XIRP2: variants seen among roughly 807,000 people sequenced by gnomAD.
XIRP2 encodes xin actin-binding repeat-containing protein 2.
XIRP2 carries 236 observed loss-of-function variants against 277.0 expected under a neutral mutation model. The ratio of observed to expected loss-of-function variants is 0.85; its 90% CI spans 0.77 to 0.95. The LOEUF is 0.95. Among genes scored for constraint, XIRP2 ranks in the 40% least tolerant of loss-of-function variants. XIRP2 has a pLI of 0.00. For synonymous variants in XIRP2, 1,490 were observed against 1,416.5 expected (o/e 1.05, Z -1.17); for missense variants, 4,640 against 4,157.5 (o/e 1.12, Z -3.19).
intron 2 of XIRP2, among the ~76,000 whole-genome samples, chr2:166,980,519 C>G (rs1558937154): frequency 2.0e-5 from 3 of 152,098 alleles, no homozygotes; most frequent in Non-Finnish European, 4.4e-5. Context: ...TGAGTTCAAG[C>G]AATTCTCCTG....
intron 2 of XIRP2, among the ~76,000 whole-genome samples, chr2:166,998,263 A>G (rs935830852): frequency 5.9e-5 from 9 of 152,188 alleles, no homozygotes; most frequent in Admixed American, 4.6e-4. Context: ...AATTTAAAAT[A>G]AAACAAAATT....
rs1695215182 is a variant in XIRP2 at position 167,245,312 on chromosome 2, G to A, written c.3920G>A (p.Gly1307Asp). ...KKTITEEVIQ[G>D]DVKSYRMLFE... ...ACAATTACTGAAGAAGTAATACAGG[G>A]TGATGTAAAAAGCTACAGAATGCTC... is the stretch of plus-strand genomic sequence containing the variant. Residue 1307 changes from glycine to aspartate, a missense_variant, in exon 9 of 11, where the codon GGT (glycine) becomes GAT (aspartate). Physicochemically the swap from Gly to Asp is moderately conservative, Grantham distance 94. Transcript: ENST00000409195. 4.3e-6 allele frequency: 7 copies of A among 1,613,552 alleles called. No individual in the cohort carries two copies. Among genetic ancestry groups the A allele is most frequent in the South Asian group, 1.1e-5 (1 of 91,052 alleles).
In XIRP2 at chr2:167,241,265, C is replaced by T. The variant is rs117339002; in HGVS notation, c.1043-512C>T. ...AAAAAACATTTAAGCCAACTGTGAC[C>T]GAAACTTTACTTGATTACATGACTA... On this transcript the variant is annotated intron_variant, in intron 7 of 10. Transcript: ENST00000409195. 1.6e-3 allele frequency among the ~76,000 whole-genome samples: 240 copies of T among 151,992 alleles called. 4 individuals are homozygous for T. The East Asian group carries it at 0.021, about 13-fold the overall frequency.
intron 2 of XIRP2, among the ~76,000 whole-genome samples, chr2:166,955,900 T>A (rs1686149723): frequency 6.6e-6 from 1 of 151,774 alleles, no homozygotes; most frequent in South Asian, 2.1e-4. Context: ...CTTATGTCAA[T>A]AAATTTGTCT....
chr2:167,070,160 A>T (rs754643066), intron 2 of XIRP2, among the ~76,000 whole-genome samples: 1 of 151,614 alleles, frequency 6.6e-6, no homozygotes, highest in African/African-American at 2.4e-5. Context: ...AGTAAAATCT[A>T]CTTAACTCTT....
intron 3 of XIRP2, among the ~76,000 whole-genome samples, chr2:167,168,613 T>G (rs1213936183): frequency 6.6e-6 from 1 of 152,198 alleles, no homozygotes; most frequent in Non-Finnish European, 1.5e-5. Context: ...TTTGTTTGTT[T>G]GTTTTTGTTT....
intron 1 of XIRP2, among the ~76,000 whole-genome samples, chr2:166,895,624 T>G (rs753989736): frequency 6.6e-6 from 1 of 152,202 alleles, no homozygotes. Context: ...GTAGTCCCTT[T>G]GGATATTCAT....
Position 167,247,752 on chromosome 2 carries a change from C to G in XIRP2, c.6360C>G (p.Thr2120=), listed in dbSNP as rs754338889. Residue 2120 remains threonine, a synonymous_variant, in exon 9 of 11, where the codon ACC becomes ACG. Coordinates refer to ENST00000409195, the MANE Select transcript of XIRP2 (RefSeq NM_152381.6). ...VFNSIQSAGK[T]VGKQQTYELR... is the part of the protein sequence containing the mutation. ...ATTCCATCCAATCTGCTGGTAAAAC[C>G]GTTGGAAAGCAACAGACATATGAAC... is the stretch of plus-strand genomic sequence containing the variant. The G allele has an allele frequency of 5.6e-6, 9 of 1,613,362 alleles. No homozygotes were observed. Among genetic ancestry groups the G allele is most frequent in the Non-Finnish European group, 7.6e-6 (9 of 1,179,654 alleles).
chr2:167,104,890 A>C (rs1690575493), intron 2 of XIRP2, among the ~76,000 whole-genome samples: 1 of 151,988 alleles, frequency 6.6e-6, no homozygotes, highest in African/African-American at 2.4e-5. Flanking sequence ...CATTCTGCGC[A>C]TATCTTTTAG....
At chr2:166,957,750 T>C (rs923282186) in intron 2 of XIRP2, among the ~76,000 whole-genome samples, 3 of 151,950 alleles carry the variant, frequency 2.0e-5, no homozygotes, top group Admixed American at 1.3e-4. Context: ...AAACAAACCA[T>C]GCAGATAGAC....
At chr2:166,899,335 T>C (rs1434460399) in intron 1 of XIRP2, among the ~76,000 whole-genome samples, 1 of 152,134 alleles carries the variant, frequency 6.6e-6, no homozygotes, top group Non-Finnish European at 1.5e-5. Flanking sequence ...GGTTAACTTC[T>C]CCACACATAT....
intron 2 of XIRP2, among the ~76,000 whole-genome samples, chr2:167,027,823 T>C (rs1469549791): frequency 7.2e-5 from 11 of 152,074 alleles, no homozygotes; most frequent in Admixed American, 5.3e-4. Context: ...TAATTACTAC[T>C]AAATAGGGAA....
chr2:167,070,964 C>T (rs1203753037), intron 2 of XIRP2, among the ~76,000 whole-genome samples: 5 of 152,160 alleles, frequency 3.3e-5, no homozygotes, highest in African/African-American at 1.2e-4. Flanking sequence ...TTAAAATTCA[C>T]AGCAATATCA....
intron 2 of XIRP2, among the ~76,000 whole-genome samples, chr2:167,077,647 G>A (rs935297391): frequency 4.6e-5 from 7 of 152,210 alleles, no homozygotes; most frequent in African/African-American, 1.7e-4. Flanking sequence ...AAAGAAGTAA[G>A]TATGGACACC....
At chr2:166,928,842 G>A (rs530298434) in intron 2 of XIRP2, among the ~76,000 whole-genome samples, 3 of 152,214 alleles carry the variant, frequency 2.0e-5, no homozygotes, top group African/African-American at 7.2e-5. Context: ...CTATCAGGGT[G>A]ATAGGCACAG....
intron 2 of XIRP2, among the ~76,000 whole-genome samples, chr2:166,906,099 G>T (rs1234461608): frequency 6.6e-6 from 1 of 151,840 alleles, no homozygotes; most frequent in Non-Finnish European, 1.5e-5. Flanking sequence ...TTGGGGATGT[G>T]GAAAAAGGTA....
intron 3 of XIRP2, among the ~76,000 whole-genome samples, chr2:167,148,587 C>A (rs927182534): frequency 6.6e-6 from 1 of 151,796 alleles, no homozygotes; most frequent in African/African-American, 2.4e-5. Context: ...TGAAATAATT[C>A]TAAGTATTTT....
At chr2:167,066,961 T>G (rs1558967214) in intron 2 of XIRP2, among the ~76,000 whole-genome samples, 1 of 152,146 alleles carries the variant, frequency 6.6e-6, no homozygotes, top group Non-Finnish European at 1.5e-5. Context: ...TTCCTTTGGC[T>G]TATTTTTTCT....
In XIRP2 at chr2:167,249,324, T is replaced by G. The variant is rs367975299; in HGVS notation, c.7932T>G (p.His2644Gln). Residue 2644 changes from histidine (H) to glutamine (Q), a missense_variant, in exon 9 of 11, where the codon CAT becomes CAG. Coordinates refer to ENST00000409195, the MANE Select transcript of XIRP2 (RefSeq NM_152381.6). ...PETVAAKRLH[H>Q]VLAASEDKDK... ...CAGTCGCTGCCAAGAGGCTCCACCA[T>G]GTTTTAGCAGCTTCAGAAGACAAAG... 1 of 1,613,806 alleles carries G rather than the reference T, an allele frequency of 6.2e-7. No homozygotes were observed. The highest frequency in any genetic ancestry group is 2.2e-5 in the East Asian group (1 of 44,844).
Sources: allele counts gnomAD v4.1 joint callset (sites outside exome capture counted in the v4.1 genomes callset), GRCh38; gene constraint gnomAD v4.1.1; transcripts MANE v1.5; gene names NCBI Gene and HGNC (gene_info 2026-07-23, HGNC 2026-07-21).